TMEM117: variants seen among roughly 807,000 people sequenced by gnomAD.
The protein encoded by TMEM117 is transmembrane protein 117.
A neutral mutation model predicts 52.4 loss-of-function variants in TMEM117; 27 were observed. That is an observed-to-expected ratio of 0.51 (90% CI 0.38 to 0.71). The LOEUF is 0.71. Among genes scored for constraint, TMEM117 ranks in the 30% least tolerant of loss-of-function variants. TMEM117 has a pLI of 0.00. For synonymous variants in TMEM117, 215 were observed against 206.3 expected, an observed-to-expected ratio of 1.04 and a Z score of -0.36; for missense variants, 556 against 630.5, an observed-to-expected ratio of 0.88 and a Z score of 1.26.
intron 5 of TMEM117, among the ~76,000 whole-genome samples, chr12:44,294,328 G>A (rs934476838): frequency 1.3e-5 from 2 of 152,160 alleles, no homozygotes; most frequent in African/African-American, 4.8e-5. Flanking sequence ...GCCTGAAACT[G>A]TGGATAGTAC....
intron 6 of TMEM117, among the ~76,000 whole-genome samples, chr12:44,344,635 G>C (rs553004185): frequency 3.3e-5 from 5 of 152,124 alleles, no homozygotes; most frequent in African/African-American, 9.6e-5. Flanking sequence ...ATACTATTTG[G>C]GAATCTTGGT....
intron 2 of TMEM117, among the ~76,000 whole-genome samples, chr12:43,873,677 T>A (rs1943744060): frequency 6.6e-6 from 1 of 152,080 alleles, no homozygotes; most frequent in Non-Finnish European, 1.5e-5. Context: ...TTTCTACCTA[T>A]TTTTACTGTA....
the TMEM117 span, among the ~76,000 whole-genome samples, chr12:44,399,052 C>G: frequency 6.6e-6 from 1 of 152,096 alleles, no homozygotes; most frequent in Non-Finnish European, 1.5e-5. Flanking sequence ...ATTTTGTACT[C>G]TATAAATACA....
chr12:44,061,762 T>G (rs1372829677), intron 3 of TMEM117, among the ~76,000 whole-genome samples: 1 of 152,150 alleles, frequency 6.6e-6, no homozygotes, highest in Non-Finnish European at 1.5e-5. Flanking sequence ...GTCATTGTTG[T>G]TTTATATTGG....
At chr12:43,951,970 C>T (rs12315094) in intron 3 of TMEM117, among the ~76,000 whole-genome samples, 4 of 152,066 alleles carry the variant, frequency 2.6e-5, no homozygotes, top group Non-Finnish European at 5.9e-5. Flanking sequence ...TGTTCTGCAG[C>T]CTCCACTGGT....
intron 6 of TMEM117, among the ~76,000 whole-genome samples, chr12:44,369,795 C>T (rs1951837834): frequency 6.6e-6 from 1 of 152,134 alleles, no homozygotes; most frequent in Admixed American, 6.6e-5. Flanking sequence ...AGATTTTTCT[C>T]CACAGATTTT....
At chr12:43,967,647 C>T (rs1945507749) in intron 3 of TMEM117, among the ~76,000 whole-genome samples, 1 of 152,136 alleles carries the variant, frequency 6.6e-6, no homozygotes, top group South Asian at 2.1e-4. Flanking sequence ...CAGATCAAGC[C>T]ATGAGATGAT....
intron 6 of TMEM117, among the ~76,000 whole-genome samples, chr12:44,325,360 C>T (rs1565716815): frequency 6.6e-6 from 1 of 152,058 alleles, no homozygotes; most frequent in Non-Finnish European, 1.5e-5. Flanking sequence ...TCAGGTTTTG[C>T]CATCAGGTCC....
chr12:44,025,892 T>TA (rs1382354509), intron 3 of TMEM117, among the ~76,000 whole-genome samples: 1 of 150,994 alleles, frequency 6.6e-6, no homozygotes, highest in East Asian at 1.9e-4. Flanking sequence ...ATCAAAGAAT[T>TA]ACCTATCCGC....
At chr12:44,309,614 G>T (rs1005800969) in intron 6 of TMEM117, among the ~76,000 whole-genome samples, 4 of 151,980 alleles carry the variant, frequency 2.6e-5, no homozygotes, top group African/African-American at 9.7e-5. Flanking sequence ...AATATGTACT[G>T]GGCACTGTCC....
chr12:43,920,625 A>T (rs1462162143), intron 2 of TMEM117, among the ~76,000 whole-genome samples: 1 of 140,932 alleles, frequency 7.1e-6, no homozygotes, highest in Non-Finnish European at 1.5e-5. Context: ...ATCACAACTC[A>T]CTGCAGCCTC....
the TMEM117 span, chr12:43,802,536 A>G: frequency 9.3e-7 from 1 of 1,078,240 alleles, no homozygotes; most frequent in East Asian, 2.6e-5. Context: ...TGAAGACTAG[A>G]AAAATAAATA....
chr12:44,215,078 AGTT>A (rs1949698118), intron 5 of TMEM117, among the ~76,000 whole-genome samples: 1 of 152,174 alleles, frequency 6.6e-6, no homozygotes, highest in Non-Finnish European at 1.5e-5. Context: ...ATTTTGCTTT[AGTT>A]AAGGAAAGAG....
chr12:44,018,994 GC>G (rs2137828465), intron 3 of TMEM117, among the ~76,000 whole-genome samples: 1 of 152,220 alleles, frequency 6.6e-6, no homozygotes. Context: ...GAGCCACTGT[GC>G]CCAGCCGATT....
At chr12:44,186,319 G>A (rs371570289) in intron 4 of TMEM117, among the ~76,000 whole-genome samples, 1 of 152,176 alleles carries the variant, frequency 6.6e-6, no homozygotes, top group East Asian at 1.9e-4. Context: ...CAGAAGATTT[G>A]TTTCCTCCAG....
At chr12:44,250,210 T>C (rs999939993) in intron 5 of TMEM117, among the ~76,000 whole-genome samples, 1 of 151,852 alleles carries the variant, frequency 6.6e-6, no homozygotes, top group Non-Finnish European at 1.5e-5. Context: ...AAAGAAGACA[T>C]TTATGTGGCC....
chr12:44,311,867 GTATA>G (rs1203609247), intron 6 of TMEM117, among the ~76,000 whole-genome samples: 5 of 112,464 alleles, frequency 4.4e-5, no homozygotes, highest in African/African-American at 1.7e-4. Context: ...GTATATATAT[GTATA>G]TATATGTATA....
intron 2 of TMEM117, among the ~76,000 whole-genome samples, chr12:43,937,479 G>T (rs569523245): frequency 9.8e-5 from 15 of 152,290 alleles, no homozygotes; most frequent in African/African-American, 3.6e-4. Flanking sequence ...TTGGGTGTTT[G>T]CTGGGGATGT....
upstream of TMEM117, among the ~76,000 whole-genome samples, chr12:43,834,606 A>C (rs1943002977): frequency 2.0e-5 from 3 of 152,224 alleles, no homozygotes; most frequent in South Asian, 6.2e-4. Flanking sequence ...CAAATGATTG[A>C]CTACTATATA....
Sources: allele counts gnomAD v4.1 joint callset (sites outside exome capture counted in the v4.1 genomes callset), GRCh38; gene constraint gnomAD v4.1.1; transcripts MANE v1.5; gene names NCBI Gene and HGNC (gene_info 2026-07-23, HGNC 2026-07-21).